EHBP1: variants seen among roughly 807,000 people sequenced by gnomAD.
EHBP1 encodes the protein EH domain-binding protein 1.
EHBP1 carries 55 observed loss-of-function variants against 144.0 expected under a neutral mutation model. The ratio of observed to expected loss-of-function variants is 0.38; its 90% confidence interval spans 0.31 to 0.48. The LOEUF (loss-of-function observed/expected upper bound fraction) is 0.48, where lower values mean the gene tolerates loss of function less well. Ranked by LOEUF, EHBP1 falls within the 20% of genes least tolerant of loss-of-function variation. The probability of loss-of-function intolerance (pLI) is 0.98; values close to 1 mark genes in which losing one functional copy is unlikely to be tolerated. For synonymous variants in EHBP1, 469 were observed against 472.7 expected (o/e 0.99, Z 0.10); for missense variants, 1,200 against 1,364.2 (o/e 0.88, Z 1.90).
At chr2:63,010,594 G>A (rs2153233668) in intron 19 of EHBP1, among the ~76,000 whole-genome samples, 1 of 151,540 alleles carries the variant, frequency 6.6e-6, no homozygotes, top group East Asian at 1.9e-4. Context: ...GTAAATATGT[G>A]TAATAAAACA....
At chr2:62,829,816 GC>G (rs1382198925) in intron 6 of EHBP1, among the ~76,000 whole-genome samples, 2 of 146,540 alleles carry the variant, frequency 1.4e-5, no homozygotes, top group Non-Finnish European at 3.0e-5. Context: ...TGCAATAGTG[GC>G]CATAATTTAA....
intron 3 of EHBP1, among the ~76,000 whole-genome samples, chr2:62,752,022 C>T (rs1314961989): frequency 1.3e-5 from 2 of 151,890 alleles, no homozygotes; most frequent in Non-Finnish European, 2.9e-5. Flanking sequence ...TTGCCTTCTG[C>T]TAGCTTTTGA....
At chr2:62,918,630 A>G (rs1436171874) in intron 10 of EHBP1, among the ~76,000 whole-genome samples, 1 of 152,168 alleles carries the variant, frequency 6.6e-6, no homozygotes, top group Non-Finnish European at 1.5e-5. Context: ...TAGGGTCTTG[A>G]ATTTAAACTT....
chr2:62,697,579 T>G (rs769137434), intron 1 of EHBP1, among the ~76,000 whole-genome samples: 2 of 152,228 alleles, frequency 1.3e-5, no homozygotes, highest in East Asian at 1.9e-4. Flanking sequence ...AAACAATGAC[T>G]TCTAATAGAA....
intron 2 of EHBP1, among the ~76,000 whole-genome samples, chr2:62,741,333 C>T (rs551969722): frequency 3.5e-4 from 53 of 152,210 alleles, no homozygotes; most frequent in South Asian, 2.1e-3. Flanking sequence ...ATTAACACTG[C>T]GCTTTGAACA....
chr2:62,784,629 C>G (rs749353156), intron 5 of EHBP1, among the ~76,000 whole-genome samples: 4 of 152,118 alleles, frequency 2.6e-5, no homozygotes, highest in Non-Finnish European at 5.9e-5. Context: ...GTTCACTCAC[C>G]AGATAATTGT....
intron 2 of EHBP1, among the ~76,000 whole-genome samples, chr2:62,712,780 A>T (rs2035275150): frequency 6.6e-6 from 1 of 152,152 alleles, no homozygotes; most frequent in South Asian, 2.1e-4. Context: ...AGCTGGAAAG[A>T]TGGGAGGTGG....
chr2:62,715,851 T>C (rs1170002172), intron 2 of EHBP1, among the ~76,000 whole-genome samples: 4 of 152,210 alleles, frequency 2.6e-5, no homozygotes, highest in Non-Finnish European at 5.9e-5. Flanking sequence ...AGAAACGTTT[T>C]CTATCTTATT....
chr2:63,008,244 A>C (rs1422275957), intron 19 of EHBP1, among the ~76,000 whole-genome samples: 1 of 151,762 alleles, frequency 6.6e-6, no homozygotes, highest in Non-Finnish European at 1.5e-5. Context: ...GAGCAAAAGT[A>C]CATGCTGGGG....
At chr2:62,904,610 A>G (rs1486729931) in intron 10 of EHBP1, among the ~76,000 whole-genome samples, 2 of 152,172 alleles carry the variant, frequency 1.3e-5, no homozygotes, top group African/African-American at 4.8e-5. Flanking sequence ...TAAGGACCTC[A>G]GTGTGGAACA....
intron 7 of EHBP1, among the ~76,000 whole-genome samples, chr2:62,840,742 C>G (rs1334410406): frequency 1.3e-5 from 2 of 151,328 alleles, no homozygotes; most frequent in Admixed American, 6.6e-5. Flanking sequence ...TGAAAAAATG[C>G]TCATCATCAC....
intron 10 of EHBP1, among the ~76,000 whole-genome samples, chr2:62,885,397 T>A (rs1209179204): frequency 6.6e-6 from 1 of 152,038 alleles, no homozygotes; most frequent in Non-Finnish European, 1.5e-5. Context: ...ACAATATTTT[T>A]AAAAAAACAG....
intron 3 of EHBP1, among the ~76,000 whole-genome samples, chr2:62,760,138 C>T (rs1016805048): frequency 6.6e-6 from 1 of 152,114 alleles, no homozygotes; most frequent in African/African-American, 2.4e-5. Flanking sequence ...TGATTTTGGT[C>T]TGCTTTTGGT....
intron 2 of EHBP1, among the ~76,000 whole-genome samples, chr2:62,736,142 T>C (rs1474076155): frequency 1.3e-5 from 2 of 151,984 alleles, no homozygotes; most frequent in African/African-American, 4.8e-5. Context: ...ATTTCTATTA[T>C]GTGTAGTGAC....
rs1032491069 is a variant in EHBP1, at chr2:62,984,229, T to C, written c.2608+4894T>C. 3.3e-5 allele frequency among the ~76,000 whole-genome samples: 5 copies of C among 152,212 alleles called. No individual in the cohort carries two copies. In the East Asian group the frequency reaches 9.6e-4, roughly 29 times the overall value. ...ATGCAGATATTCTCTCTCTCTCTCT[T>C]TTTTAACTGTCACCAGATATCTTGG... On this transcript the variant is annotated intron_variant, in intron 15 of 22. Transcript: ENST00000431489.
chr2:62,804,219 A>G (rs1285712087), intron 5 of EHBP1, among the ~76,000 whole-genome samples: 3 of 152,310 alleles, frequency 2.0e-5, no homozygotes, highest in East Asian at 1.9e-4. Context: ...CCTCATGTGG[A>G]ATCAGAGACA....
intron 10 of EHBP1, among the ~76,000 whole-genome samples, chr2:62,890,048 G>A (rs572309944): frequency 2.7e-5 from 4 of 145,472 alleles, no homozygotes; most frequent in African/African-American, 1.0e-4. Flanking sequence ...TGCAACCTCC[G>A]CCTCTGGGTT....
intron 5 of EHBP1, among the ~76,000 whole-genome samples, chr2:62,789,451 AC>A (rs1165800040): frequency 6.6e-6 from 1 of 151,578 alleles, no homozygotes; most frequent in African/African-American, 2.4e-5. Flanking sequence ...TTCTCCACCC[AC>A]CCACCCACCA....
In EHBP1 at chr2:62,798,303, G is replaced by A. The variant is rs1287454142; in HGVS notation, c.312+26911G>A. Among the ~76,000 whole-genome samples the A allele has an allele frequency of 3.9e-5, 6 of 152,130 alleles. No homozygotes were observed. The East Asian group carries it at 5.8e-4, about 15-fold the overall frequency. On this transcript the variant is annotated intron_variant, in intron 5 of 22. Transcript: ENST00000431489. The stretch of plus-strand genomic sequence containing the variant: ...GAATCGCTTGAACCCAAGGGGCAGA[G>A]GTTGCAGTGAGCTGGGGTTACGCCA...
Sources: allele counts gnomAD v4.1 joint callset (sites outside exome capture counted in the v4.1 genomes callset), GRCh38; gene constraint gnomAD v4.1.1; transcripts MANE v1.5; gene names NCBI Gene and HGNC (gene_info 2026-07-23, HGNC 2026-07-21).